Variants in N4BP2L2 observed in about 807,000 individuals in gnomAD.
N4BP2L2 encodes the protein NEDD4-binding protein 2-like 2.
A neutral mutation model predicts 56.2 loss-of-function variants in N4BP2L2; 50 were observed. The ratio of observed to expected loss-of-function variants is 0.89; its 90% confidence interval spans 0.71 to 1.13. N4BP2L2 has a LOEUF of 1.13. Among genes scored for constraint, N4BP2L2 ranks in the 50% most tolerant of loss-of-function variants. The probability of loss-of-function intolerance (pLI) is 0.00; values close to 1 mark genes in which losing one functional copy is unlikely to be tolerated. For missense variants in N4BP2L2, 689 were observed against 693.8 expected (o/e 0.99, Z 0.08); for synonymous variants, 203 against 223.6 (o/e 0.91, Z 0.82).
At chr13:32,474,587 G>A (rs1387014796) in intron 6 of N4BP2L2, among the ~76,000 whole-genome samples, 1 of 151,798 alleles carries the variant, frequency 6.6e-6, no homozygotes, top group South Asian at 2.1e-4. Flanking sequence ...TCAGGTACTC[G>A]GAAGGCTGAG....
intron 9 of N4BP2L2, among the ~76,000 whole-genome samples, chr13:32,435,802 AC>A (rs1372661350): frequency 2.0e-5 from 3 of 152,208 alleles, no homozygotes; most frequent in Non-Finnish European, 1.5e-5. Context: ...AAATGAAAAA[AC>A]GTATGGTAAA....
chr13:32,506,900 C>T (rs1286081233), downstream of N4BP2L2: 8 of 151,996 alleles, frequency 5.3e-5, no homozygotes, highest in Non-Finnish European at 1.2e-4. Flanking sequence ...AACTGAAAGG[C>T]ATTAAGCATG....
intron 6 of N4BP2L2, chr13:32,477,831 C>A: frequency 7.9e-7 from 1 of 1,268,506 alleles, no homozygotes; most frequent in Admixed American, 2.3e-5. Flanking sequence ...GGATTATTGG[C>A]ATAGTTGTTT....
intron 2 of N4BP2L2, among the ~76,000 whole-genome samples, chr13:32,528,887 T>C (rs1057412939): frequency 1.3e-5 from 2 of 152,202 alleles, no homozygotes; most frequent in Non-Finnish European, 2.9e-5. Flanking sequence ...TCTCCCTCAA[T>C]ATCCATGGGA....
chr13:32,486,316 T>C lies in N4BP2L2; in HGVS notation c.365+31541A>G, dbSNP rs1346534642. ...ATTGGAAAGAAAGAAGTAAAACATG[T>C]CTATTTGCAGATAATAGGATCTCAT... On this transcript the variant is annotated intron_variant, in intron 6 of 9. Transcript: ENST00000357505. 3.9e-5 allele frequency among the ~76,000 whole-genome samples: 6 copies of C among 152,284 alleles called. No individual in the cohort carries two copies. In the East Asian group the frequency reaches 9.6e-4, roughly 24 times the overall value.
At chr13:32,479,639 C>G (rs536346605) in intron 6 of N4BP2L2, among the ~76,000 whole-genome samples, 1 of 148,678 alleles carries the variant, frequency 6.7e-6, no homozygotes, top group Non-Finnish European at 1.5e-5. Context: ...AAAAAAGGAT[C>G]CCCAAAATGT....
At chr13:32,521,255 A>AG in intron 5 of N4BP2L2, 118 bp downstream of exon 5, 2 of 790,322 alleles carry the variant, frequency 2.5e-6, no homozygotes. Flanking sequence ...AAAGGTCCTC[A>AG]CATTTTACCC....
intron 6 of N4BP2L2, chr13:32,446,428 A>C: frequency 7.4e-7 from 1 of 1,359,912 alleles, no homozygotes; most frequent in Non-Finnish European, 9.8e-7. Context: ...CCTGCAGACT[A>C]GTATGTCATT....
In N4BP2L2 at chr13:32,500,546, CAAAAAAAAA is replaced by C. The variant is rs1169575568; in HGVS notation, c.365+17302_365+17310del. Among the ~76,000 whole-genome samples, 8 of 52,234 alleles carry C rather than the reference CAAAAAAAAA, an allele frequency of 1.5e-4. 1 individual carries two copies. The East Asian group carries it at 2.8e-3, about 18-fold the overall frequency. The allele number at this position is 52,234 out of a possible 152,430, so 34.3% of individuals were successfully genotyped here. ...CTAGCCTGTAGAGATCCTGTCTCTA[CAAAAAAAAA>C]AAAAAAAAAAAAAATAGCCAGGCAT... is the stretch of plus-strand genomic sequence containing the variant. On this transcript the variant is annotated intron_variant, in intron 6 of 9. Coordinates refer to the N4BP2L2 transcript ENST00000357505.
At position 32,522,167 on chromosome 13, in the gene N4BP2L2, A is replaced by C; in HGVS notation, c.1473+15T>G. 1 of 1,470,242 alleles carries C rather than the reference A, an allele frequency of 6.8e-7. No homozygotes were observed. The highest frequency in any genetic ancestry group is 9.3e-7 in the Non-Finnish European group (1 of 1,080,004). The allele number at this position is 1,470,242 out of a possible 1,614,324, so 91.1% of individuals were successfully genotyped here. On this transcript the variant is annotated intron_variant, in intron 4 of 5. Coordinates refer to ENST00000267068, the Ensembl canonical transcript of N4BP2L2. Reference sequence around the variant, plus strand: ...AAGAATAAAAAATAAAAACTTTCTCATGTTTCATATTTACCACTTCCACAT... The same window carrying C: ...AAGAATAAAAAATAAAAACTTTCTCCTGTTTCATATTTACCACTTCCACAT...
exon 7 of N4BP2L2, chr13:32,443,998 T>C: frequency 6.2e-7 from 1 of 1,609,076 alleles, no homozygotes; most frequent in Non-Finnish European, 8.5e-7. Context: ...CGGTGTAAGA[T>C]CACTTAAGAA....
chr13:32,517,263 A>G, exon 6 of N4BP2L2: 1 of 986,168 alleles, frequency 1.0e-6, no homozygotes, highest in Non-Finnish European at 1.2e-6. Context: ...TTTGCTGGGG[A>G]ATTTTGTTTG....
intron 8 of N4BP2L2, chr13:32,438,625 TACACACAC>T: frequency 7.0e-7 from 1 of 1,425,354 alleles, no homozygotes; most frequent in Non-Finnish European, 9.6e-7. Flanking sequence ...CAAAAATACA[TACACACAC>T]ACACACACAC....
intron 6 of N4BP2L2, chr13:32,504,790 T>C (rs1344321466): frequency 6.6e-6 from 1 of 152,214 alleles, no homozygotes; most frequent in Non-Finnish European, 1.5e-5. Flanking sequence ...GGCAAAATTC[T>C]TCTCCAGCAT....
chr13:32,512,438 G>A (rs1361369755), exon 6 of N4BP2L2: 2 of 152,036 alleles, frequency 1.3e-5, no homozygotes, highest in African/African-American at 2.4e-5. Context: ...TGAAATTTAA[G>A]AGAACTTACT....
chr13:32,498,692 A>G (rs867565047), intron 6 of N4BP2L2, among the ~76,000 whole-genome samples: 1 of 151,866 alleles, frequency 6.6e-6, no homozygotes, highest in Non-Finnish European at 1.5e-5. Context: ...ACTATGATGG[A>G]CTGGAATTTT....
At chr13:32,536,527 C>T (rs1415419670) in exon 2 of N4BP2L2, 1 of 1,613,872 alleles carries the variant, frequency 6.2e-7, no homozygotes, top group South Asian at 1.1e-5. Context: ...CATTGTCAAT[C>T]TCTGATTTTT....
chr13:32,504,747 T>C (rs2090626612), intron 6 of N4BP2L2: 1 of 152,144 alleles, frequency 6.6e-6, no homozygotes, highest in Admixed American at 6.5e-5. Context: ...ATCATTTAGA[T>C]CAGGTACAGG....
chr13:32,483,692 T>C (rs1027158020), intron 6 of N4BP2L2, among the ~76,000 whole-genome samples: 8 of 152,224 alleles, frequency 5.3e-5, no homozygotes, highest in Non-Finnish European at 7.3e-5. Flanking sequence ...AATAATTTAG[T>C]AATTTTATGC....
Sources: gnomAD v4.1 joint callset for allele counts (sites outside exome capture counted in the v4.1 genomes callset) on GRCh38, gnomAD v4.1.1 for gene constraint, MANE v1.5 for transcripts, NCBI Gene and HGNC (gene_info 2026-07-23, HGNC 2026-07-21) for gene names.